The following PHLDB1 variants were observed in gnomAD, a reference collection of about 807,000 sequenced individuals.
PHLDB1 encodes the protein pleckstrin homology like domain family B member 1.
Under a neutral mutation model 139.3 loss-of-function variants are expected in PHLDB1, and 65 were observed. That is an observed-to-expected ratio of 0.47 (90% confidence interval 0.38 to 0.57). PHLDB1 has a LOEUF of 0.57. Among genes scored for constraint, PHLDB1 ranks in the 20% least tolerant of loss-of-function variants. PHLDB1 has a pLI of 0.00. For missense variants in PHLDB1, 1,624 were observed against 1,839.7 expected, an observed-to-expected ratio of 0.88 and a Z score of 2.14; for synonymous variants, 679 against 734.5, an observed-to-expected ratio of 0.92 and a Z score of 1.22.
chr11:118,614,522 T>C (rs373202702), intron 2 of PHLDB1, 37 bp from the exon 3 acceptor site: 5 of 1,611,106 alleles, frequency 3.1e-6, no homozygotes, highest in Non-Finnish European at 4.2e-6. Flanking sequence ...AGGTGCTGAA[T>C]CTAATGATGC....
Position 118,650,855 on chromosome 11 carries a change from C to A in PHLDB1, c.3874+308C>A, listed in dbSNP as rs1262095929. ...TGGAGCTTATAATCAGGGAAGCAGA[C>A]AAGAGTGATAACCACGCACAATGGG... On this transcript the variant is annotated intron_variant, in intron 20 of 22. Transcript: ENST00000600882. This position sits in a 1 kb window ranked among gnomAD's most constrained non-coding sequence, Gnocchi z 4.7. 8 of 390,212 alleles carry A rather than the reference C, an allele frequency of 2.1e-5. No individual in the cohort carries two copies. In the East Asian group the frequency reaches 3.8e-4, roughly 19 times the overall value. The allele number at this position is 390,212 out of a possible 1,614,324, so 24.2% of individuals were successfully genotyped here. A position where few individuals can be genotyped will look rare whatever the true frequency, so the allele number is the denominator to read the frequency against.
intron 18 of PHLDB1, among the ~76,000 whole-genome samples, chr11:118,648,957 G>A (rs996704021): frequency 6.6e-6 from 1 of 152,144 alleles, no homozygotes; most frequent in Non-Finnish European, 1.5e-5. Flanking sequence ...AATCCTAAGG[G>A]ATAGGTCATC....
chr11:118,615,769 C>T, intron 3 of PHLDB1: 1 of 389,324 alleles, frequency 2.6e-6, no homozygotes, highest in Non-Finnish European at 4.6e-6. Flanking sequence ...TCTTCCTTCT[C>T]CATCTGTGGA....
chr11:118,654,567 G>A (rs1044021658), intron 20 of PHLDB1: 12 of 151,786 alleles, frequency 7.9e-5, no homozygotes, highest in East Asian at 3.9e-4. Context: ...TGCACAAAAG[G>A]TGGCATACAG....
intron 9 of PHLDB1, chr11:118,634,892 C>T (rs1555113945): frequency 2.3e-6 from 1 of 426,614 alleles, no homozygotes; most frequent in Non-Finnish European, 4.7e-6. Flanking sequence ...CCCCTGTGCC[C>T]CGCCCTCTCC....
chr11:118,643,235 A>G (rs1946872798), intron 13 of PHLDB1, among the ~76,000 whole-genome samples: 1 of 152,228 alleles, frequency 6.6e-6, no homozygotes, highest in Admixed American at 6.5e-5. Flanking sequence ...TAGATGAAAC[A>G]CTGGGGCCTA....
chr11:118,608,043 G>A lies in PHLDB1; in HGVS notation c.-22+344G>A, dbSNP rs1310928772. Among the ~76,000 whole-genome samples the A allele has an allele frequency of 3.3e-5, 5 of 152,056 alleles. No individual in the cohort carries two copies. Among genetic ancestry groups the A allele is most frequent in the Admixed American group, 1.3e-4 (2 of 15,286 alleles). On this transcript the variant is annotated intron_variant, in intron 1 of 22. Coordinates refer to ENST00000600882, the MANE Select transcript of PHLDB1 (RefSeq NM_001144758.3). This position sits in a 1 kb window ranked among gnomAD's most constrained non-coding sequence, Gnocchi z 6.7. ...CCCAGGCGGCCGGGCGGACACTCGC[G>A]GGGTATCGGGCGGCGAGCGCGCGCG...
chr11:118,641,585 T>G, intron 12 of PHLDB1: 1 of 1,249,114 alleles, frequency 8.0e-7, no homozygotes, highest in Non-Finnish European at 1.0e-6. Flanking sequence ...ACCTCTTATA[T>G]TCCCTCCTGC....
chr11:118,627,471 T>G lies in PHLDB1; in HGVS notation c.648T>G (p.Pro216=). ...LEEPGAAGKK[P]AATSPLSPMA... is the part of the protein sequence containing the mutation. Reference sequence around the variant, plus strand: ...AGCCTGGAGCTGCTGGCAAGAAGCCTGCCGCAACCTCTCCACTGTCACCGA... The same window carrying G: ...AGCCTGGAGCTGCTGGCAAGAAGCCGGCCGCAACCTCTCCACTGTCACCGA... The change falls in exon 6 of 23, where the codon CCT becomes CCG. Residue 216 remains proline (P), a synonymous_variant. Transcript: ENST00000600882. The G allele has an allele frequency of 6.2e-7, 1 of 1,614,178 alleles. No individual in the cohort carries two copies.
At chr11:118,609,473 A>ACAGCCCAGCTCACACACG (rs1284206873) in intron 1 of PHLDB1, among the ~76,000 whole-genome samples, 6 of 143,876 alleles carry the variant, frequency 4.2e-5, no homozygotes, top group South Asian at 2.3e-4. Flanking sequence ...AGCCACACAC[A>ACAGCCCAGCTCACACACG]CAGCCCAGCT....
At chr11:118,629,885 A>T in intron 6 of PHLDB1, 1 of 503,728 alleles carries the variant, frequency 2.0e-6, no homozygotes, top group Non-Finnish European at 3.3e-6. Context: ...TCTTACCACT[A>T]GTCCTGACCT....
At chr11:118,614,443 C>T in intron 2 of PHLDB1, 116 bp from the exon 3 acceptor site, 1 of 1,119,996 alleles carries the variant, frequency 8.9e-7, no homozygotes. Flanking sequence ...AGCCTTTCAG[C>T]ACCCTCAGAG....
Position 118,643,948 on chromosome 11 carries a change from GACAGTGGGTGGGGCTGC to G in PHLDB1, c.3018+12_3018+28del. 6.3e-7 allele frequency: 1 copy of G among 1,594,250 alleles called. No homozygotes were observed. The highest frequency in any genetic ancestry group is 8.5e-7 in the Non-Finnish European group (1 of 1,170,220). On this transcript the variant is annotated intron_variant, in intron 14 of 22. Coordinates refer to ENST00000600882, the MANE Select transcript of PHLDB1 (RefSeq NM_001144758.3). ...CGTAGCCCCTCCCCAAAGGTCTGAGGACAGTGGGTGGGGCTGCACATGTGGCTGGGGATGGAGACTTC... is the reference window on the plus strand; with the variant it reads ...CGTAGCCCCTCCCCAAAGGTCTGAGGACATGTGGCTGGGGATGGAGACTTC...
Position 118,627,785 on chromosome 11 carries a change from G to T in PHLDB1, c.962G>T (p.Arg321Met). ...PRLSRKGGHERPPSPGLRGLL... is the reference protein window; with the variant it reads ...PRLSRKGGHEMPPSPGLRGLL... ...CTGAGCAGGAAAGGGGGCCATGAGA[G>T]GCCTCCCAGCCCTGGCCTCCGGGGT... Residue 321 changes from arginine (R) to methionine (M), a missense_variant, in exon 6 of 23, where the codon AGG becomes ATG. Transcript: ENST00000600882. 1 of 1,605,742 alleles carries T rather than the reference G, an allele frequency of 6.2e-7. No homozygotes were observed.
chr11:118,642,024 T>G, intron 12 of PHLDB1: 4 of 619,644 alleles, frequency 6.5e-6, no homozygotes, highest in Non-Finnish European at 8.6e-6. Context: ...GTCTCACTGT[T>G]TTTCTCTTCT....
chr11:118,645,700 C>A lies in PHLDB1; in HGVS notation c.3417-35C>A, dbSNP rs782255829. On this transcript the variant is annotated intron_variant, in intron 16 of 22. Coordinates refer to ENST00000600882, the MANE Select transcript of PHLDB1 (RefSeq NM_001144758.3). This position sits in a 1 kb window ranked among gnomAD's most constrained non-coding sequence, Gnocchi z 5.1. The stretch of plus-strand genomic sequence containing the variant: ...GCCTCCCTCAGCCACCGCCTCAGCT[C>A]CTTGATGCACTTCCTCTTCCCCTTC... 1.2e-6 allele frequency: 2 copies of A among 1,611,672 alleles called. No individual in the cohort carries two copies. Among genetic ancestry groups the A allele is most frequent in the Non-Finnish European group, 1.7e-6 (2 of 1,177,734 alleles).
chr11:118,644,025 G>C, intron 14 of PHLDB1, 47 bp from the exon 15 acceptor site: 1 of 1,607,458 alleles, frequency 6.2e-7, no homozygotes, highest in Middle Eastern at 1.7e-4. Flanking sequence ...TGGGAATGGG[G>C]GTAAGGGCCT....
upstream of PHLDB1, among the ~76,000 whole-genome samples, chr11:118,607,049 G>C (rs1555079709): frequency 6.6e-6 from 1 of 152,012 alleles, no homozygotes; most frequent in African/African-American, 2.4e-5. Context: ...CTTCATGGTG[G>C]GGCTTGGAAT....
intron 1 of PHLDB1, chr11:118,613,241 G>C: frequency 4.2e-6 from 4 of 949,260 alleles, no homozygotes; most frequent in Non-Finnish European, 5.0e-6. Flanking sequence ...TAGGAGTTGA[G>C]ACATCTGGAG....
Sources: gnomAD v4.1 joint callset for allele counts (sites outside exome capture counted in the v4.1 genomes callset) on GRCh38, gnomAD v4.1.1 for gene constraint, Gnocchi (gnomAD v3.1) non-coding constraint, MANE v1.5 for transcripts, NCBI Gene and HGNC (gene_info 2026-07-23, HGNC 2026-07-21) for gene names.